The following HDLBP variants were observed in gnomAD, a reference collection of about 807,000 sequenced individuals.
HDLBP encodes high density lipoprotein binding protein.
Under a neutral mutation model 137.3 loss-of-function variants are expected in HDLBP, and 30 were observed. The ratio of observed to expected loss-of-function variants is 0.22; its 90% CI spans 0.16 to 0.30. The LOEUF (loss-of-function observed/expected upper bound fraction) is 0.30. Among genes scored for constraint, HDLBP ranks in the 10% least tolerant of loss-of-function variants. The pLI is 1.00. For synonymous variants in HDLBP, 606 were observed against 596.0 expected (o/e 1.02, Z -0.24); for missense variants, 1,119 against 1,667.3 (o/e 0.67, Z 5.73).
At chr2:241,290,762 A>C (rs536565025) in intron 1 of HDLBP, among the ~76,000 whole-genome samples, 2 of 152,380 alleles carry the variant, frequency 1.3e-5, no homozygotes, top group South Asian at 4.1e-4. Context: ...CTCAATAAAA[A>C]GTCTACTTAG....
At chr2:241,250,137 T>C in intron 11 of HDLBP, 157 bp from the exon 12 acceptor site, 1 of 684,480 alleles carries the variant, frequency 1.5e-6, no homozygotes, top group Non-Finnish European at 2.4e-6. Flanking sequence ...ATCTCCATTG[T>C]CTAGAATGGG....
intron 1 of HDLBP, chr2:241,273,733 C>A: frequency 1.1e-6 from 1 of 894,250 alleles, no homozygotes; most frequent in Non-Finnish European, 1.3e-6. Flanking sequence ...TAGGGGCACA[C>A]CCAGCCTTAC....
intron 12 of HDLBP, 108 bp downstream of exon 12, chr2:241,249,733 T>C (rs1461482157): frequency 2.7e-6 from 3 of 1,114,232 alleles, no homozygotes; most frequent in African/African-American, 3.1e-5. Context: ...ACGTGGGATT[T>C]GTCGACTTCC....
intron 17 of HDLBP, among the ~76,000 whole-genome samples, chr2:241,241,971 G>A (rs1158011658): frequency 6.6e-6 from 1 of 152,160 alleles, no homozygotes; most frequent in African/African-American, 2.4e-5. Context: ...AAGGGGTGTA[G>A]AACAGCCAAA....
At chr2:241,293,130 A>G (rs774320959) in intron 1 of HDLBP, among the ~76,000 whole-genome samples, 1 of 152,210 alleles carries the variant, frequency 6.6e-6, no homozygotes, top group Non-Finnish European at 1.5e-5. Flanking sequence ...ATTAATGAAG[A>G]TGAATGAACT....
rs2072651505 is a variant in HDLBP, at chr2:241,256,812, G to C, written c.451-6C>G. ...ATGGCAACAGTTGCTGAGGCCTATA[G>C]CAAGAAGAGAATAAAAGAAAACAAG... On this transcript the variant is annotated splice_region_variant and splice_polypyrimidine_tract_variant and intron_variant, in intron 5 of 27. Coordinates refer to ENST00000310931, the MANE Select transcript of HDLBP (RefSeq NM_005336.6). The C allele has an allele frequency of 6.2e-7, 1 of 1,609,368 alleles. No homozygotes were observed. Among genetic ancestry groups the C allele is most frequent in the African/African-American group, 1.3e-5 (1 of 74,756 alleles).
rs150965694 is a variant in HDLBP at position 241,267,231 on chromosome 2, A to G, written c.-37-325T>C. On this transcript the variant is annotated intron_variant, in intron 2 of 27. Transcript: ENST00000310931. ...TAAACAAACAAAAACAAAACAAAACAAACAAAAAAAAACCTCATGTTTTAA... is the reference window on the plus strand; with the variant it reads ...TAAACAAACAAAAACAAAACAAAACGAACAAAAAAAAACCTCATGTTTTAA... Among the ~76,000 whole-genome samples, 847 of 152,276 alleles carry G rather than the reference A, an allele frequency of 5.6e-3. 16 individuals carry two copies. Among genetic ancestry groups the G allele is most frequent in the African/African-American group, 0.019 (785 of 41,538 alleles).
intron 1 of HDLBP, among the ~76,000 whole-genome samples, chr2:241,292,624 C>G (rs2075045224): frequency 6.6e-6 from 1 of 152,020 alleles, no homozygotes; most frequent in Admixed American, 6.5e-5. Context: ...AAAATACATG[C>G]TAAAGTATTT....
At position 241,272,635 on chromosome 2, in the gene HDLBP, G is replaced by C. The variant is rs1177391617; in HGVS notation, c.-102-4094C>G. The C allele has an allele frequency of 1.4e-5, 14 of 970,890 alleles. No individual in the cohort carries two copies. Among genetic ancestry groups the C allele is most frequent in the Non-Finnish European group, 1.5e-5 (12 of 818,334 alleles). 60.1% of individuals were successfully genotyped at this position (970,890 alleles called of 1,614,324 possible). A position where few individuals can be genotyped will look rare whatever the true frequency, so the allele number is the denominator to read the frequency against. Reference sequence around the variant, plus strand: ...AGCCTGGGGCCCGGGTGGGGGCCGCGGCACCCGGGCCCCTCCCCCTCCGCG... The same window carrying C: ...AGCCTGGGGCCCGGGTGGGGGCCGCCGCACCCGGGCCCCTCCCCCTCCGCG... On this transcript the variant is annotated intron_variant, in intron 1 of 27. Coordinates refer to ENST00000310931, the MANE Select transcript of HDLBP (RefSeq NM_005336.6). The surrounding 1 kb of genome is among the most constrained non-coding windows in gnomAD (Gnocchi z 5.6).
At position 241,239,753 on chromosome 2, in the gene HDLBP, C is replaced by T; in HGVS notation, c.2459G>A (p.Gly820Asp). 6.2e-7 allele frequency: 1 copy of T among 1,614,204 alleles called. No individual in the cohort carries two copies. Among genetic ancestry groups the T allele is most frequent in the Non-Finnish European group, 8.5e-7 (1 of 1,180,042 alleles). Residue 820 changes from glycine to aspartate, a missense_variant, in exon 19 of 28, where the codon GGC becomes GAC. By Grantham distance (94) the Gly-to-Asp change is moderately conservative. Transcript: ENST00000310931. The surrounding 1 kb of genome is among the most constrained non-coding windows in gnomAD (Gnocchi z 4.6). ...TTCAGCAATCTCCCGCAAGACCTGG[C>T]CTCTGCGGATGACGAAGTGGCGGTG... ...KHHRHFVIRR[G>D]QVLREIAEEY...
intron 12 of HDLBP, 104 bp from the exon 13 acceptor site, chr2:241,248,452 A>C: frequency 1.1e-6 from 1 of 927,632 alleles, no homozygotes; most frequent in South Asian, 1.4e-5. Flanking sequence ...TCCTTCATGG[A>C]GCAGGTGAGG....
In HDLBP at chr2:241,233,310, T is replaced by C. The variant is rs899735642; in HGVS notation, c.3288+510A>G. Among the ~76,000 whole-genome samples, 1 of 151,850 alleles carries C rather than the reference T, an allele frequency of 6.6e-6. No homozygotes were observed. The highest frequency in any genetic ancestry group is 2.4e-5 in the African/African-American group (1 of 41,304). On this transcript the variant is annotated intron_variant, in intron 24 of 27. Transcript: ENST00000310931. This position sits in a 1 kb window ranked among gnomAD's most constrained non-coding sequence, Gnocchi z 4.3. ...GGGCTGCCTTTCATTTTGTTCTGAG[T>C]GAAGCAGGAGGCCATGAGGGCCAGT...
At chr2:241,299,251 T>A (rs1050401500) in intron 1 of HDLBP, among the ~76,000 whole-genome samples, 5 of 152,080 alleles carry the variant, frequency 3.3e-5, no homozygotes. Flanking sequence ...CCGGGCGCGG[T>A]GGCTCACGCC....
At chr2:241,300,617 G>A (rs2075362355) in intron 1 of HDLBP, among the ~76,000 whole-genome samples, 1 of 152,214 alleles carries the variant, frequency 6.6e-6, no homozygotes, top group African/African-American at 2.4e-5. Context: ...AAAGCCATAT[G>A]ACCAACTGAT....
At chr2:241,248,473 G>C in intron 12 of HDLBP, 125 bp from the exon 13 acceptor site, 2 of 757,458 alleles carry the variant, frequency 2.6e-6, no homozygotes, top group South Asian at 3.1e-5. Flanking sequence ...TGGTCTCCAG[G>C]TGGCACCTCG....
intron 14 of HDLBP, 63 bp from the exon 15 acceptor site, chr2:241,247,205 T>C: frequency 9.6e-7 from 1 of 1,039,854 alleles, no homozygotes; most frequent in Non-Finnish European, 1.5e-6. Context: ...ACAGTATCCC[T>C]TCTACCCCTA....
At position 241,230,013 on chromosome 2, in the gene HDLBP, T is replaced by A. The variant is rs915911832; in HGVS notation, c.3592-52A>T. ...GTCAGTCTGCCCAGCACCCCCAGCA[T>A]CCCGCCCGCCTGCTCACCCCTGCAC... On this transcript the variant is annotated intron_variant, in intron 26 of 27. Coordinates refer to ENST00000310931, the MANE Select transcript of HDLBP (RefSeq NM_005336.6). This position sits in a 1 kb window ranked among gnomAD's most constrained non-coding sequence, Gnocchi z 5.0. 1.9e-6 allele frequency: 3 copies of A among 1,566,440 alleles called. No homozygotes were observed.
rs778317642 is a variant in HDLBP, at chr2:241,242,685, C to T, written c.1951-7G>A. 1.5e-5 allele frequency: 24 copies of T among 1,610,854 alleles called. No homozygotes were observed. In the South Asian group the frequency reaches 2.5e-4, roughly 17 times the overall value. ...CTACCTCGGCTATGTTGGCCTGAAA[C>T]CAAACACAGGGCAGGAGGAGGAAGT... On this transcript the variant is annotated splice_region_variant and splice_polypyrimidine_tract_variant and intron_variant, in intron 16 of 27. Transcript: ENST00000310931.
chr2:241,239,537 A>G lies in HDLBP; in HGVS notation c.2610+65T>C. The G allele has an allele frequency of 7.4e-7, 1 of 1,360,538 alleles. No homozygotes were observed. Among genetic ancestry groups the G allele is most frequent in the South Asian group, 1.2e-5 (1 of 82,310 alleles). 84.3% of individuals were successfully genotyped at this position (1,360,538 alleles called of 1,614,324 possible). On this transcript the variant is annotated intron_variant, in intron 19 of 27. Coordinates refer to ENST00000310931, the MANE Select transcript of HDLBP (RefSeq NM_005336.6). This position sits in a 1 kb window ranked among gnomAD's most constrained non-coding sequence, Gnocchi z 4.6. ...TCCCTACAGGGTGGAGCGAACACTCATACACGGCTTCGGTGAGTGGCCACT... is the reference window on the plus strand; with the variant it reads ...TCCCTACAGGGTGGAGCGAACACTCGTACACGGCTTCGGTGAGTGGCCACT...
Sources: gnomAD v4.1 joint callset for allele counts (sites outside exome capture counted in the v4.1 genomes callset) on GRCh38, gnomAD v4.1.1 for gene constraint, Gnocchi (gnomAD v3.1) non-coding constraint, MANE v1.5 for transcripts, NCBI Gene and HGNC (gene_info 2026-07-23, HGNC 2026-07-21) for gene names.